CCDC187: variants seen among roughly 807,000 people sequenced by gnomAD.
CCDC187 encodes the protein coiled-coil domain containing 187, also known as coiled-coil domain-containing protein 187.
CCDC187 carries 32 observed loss-of-function variants against 38.0 expected under a neutral mutation model. The ratio of observed to expected loss-of-function variants is 0.84; its 90% CI spans 0.64 to 1.13. The LOEUF (loss-of-function observed/expected upper bound fraction) is 1.13. CCDC187 is among the 50% of genes most tolerant of loss of function. CCDC187 has a pLI of 0.00. For synonymous variants in CCDC187, 333 were observed against 347.9 expected (o/e 0.96, Z 0.48); for missense variants, 707 against 786.8 (o/e 0.90, Z 1.21).
upstream of CCDC187, among the ~76,000 whole-genome samples, chr9:136,304,944 A>G (rs1184512106): frequency 1.3e-5 from 2 of 152,154 alleles, no homozygotes; most frequent in Non-Finnish European, 2.9e-5. Context: ...GGCTCACGCT[A>G]TAGAACCTGT....
intron 1 of CCDC187, 104 bp from the exon 2 acceptor site, chr9:136,303,397 A>G (rs1831738245): frequency 5.3e-6 from 2 of 380,300 alleles, no homozygotes; most frequent in Middle Eastern, 6.6e-4. Flanking sequence ...TGCTCCACAG[A>G]CTGGAGGTGG....
chr9:136,290,436 C>T (rs1014579665), intron 6 of CCDC187, 50 bp downstream of exon 6: 10 of 398,552 alleles, frequency 2.5e-5, no homozygotes, highest in Non-Finnish European at 3.5e-5. Flanking sequence ...GCGCCTAAGC[C>T]TCTGGCCCAT....
chr9:136,263,305 C>A (rs1432484580), intron 18 of CCDC187, among the ~76,000 whole-genome samples: 1 of 148,250 alleles, frequency 6.7e-6, no homozygotes, highest in Non-Finnish European at 1.5e-5. Context: ...CATATCTCGG[C>A]TCACTGCAGA....
chr9:136,303,334 G>A (rs1002460802), intron 1 of CCDC187, 41 bp from the exon 2 acceptor site: 114 of 396,234 alleles, frequency 2.9e-4, no homozygotes, highest in African/African-American at 1.6e-3. Flanking sequence ...ACATGCAGGC[G>A]CAGAGGTGCC....
chr9:136,281,809 G>A (rs1205584854), intron 9 of CCDC187, 146 bp from the exon 10 acceptor site: 2 of 397,374 alleles, frequency 5.0e-6, no homozygotes, highest in African/African-American at 4.1e-5. Flanking sequence ...GTGTGCCCAG[G>A]GTGGGACCCA....
At chr9:136,270,701 CA>C (rs1254511154) in intron 14 of CCDC187, among the ~76,000 whole-genome samples, 5 of 152,136 alleles carry the variant, frequency 3.3e-5, no homozygotes, top group Non-Finnish European at 5.9e-5. Context: ...CTGACTCCTC[CA>C]AGGAAAGGAG....
intron 10 of CCDC187, 144 bp downstream of exon 10, chr9:136,281,407 G>A (rs976853461): frequency 1.3e-3 from 503 of 398,518 alleles, no homozygotes; most frequent in African/African-American, 8.4e-3. Context: ...CTTTAATAAC[G>A]AGGCGTGGAT....
intron 4 of CCDC187, among the ~76,000 whole-genome samples, 158 bp downstream of exon 4, chr9:136,297,556 G>C (rs908215760): frequency 2.0e-5 from 3 of 152,056 alleles, no homozygotes; most frequent in African/African-American, 7.2e-5. Flanking sequence ...CGCTCCAGCC[G>C]GGCCTGCCGA....
intron 4 of CCDC187, among the ~76,000 whole-genome samples, chr9:136,297,469 C>T (rs1393906931): frequency 2.0e-5 from 3 of 152,142 alleles, no homozygotes; most frequent in South Asian, 4.1e-4. Context: ...TCAAGGGACA[C>T]GCCCCTGCCC....
At chr9:136,262,485 G>A in intron 18 of CCDC187, 23 bp from the exon 19 acceptor site, 1 of 986,138 alleles carries the variant, frequency 1.0e-6, no homozygotes, top group African/African-American at 1.7e-5. Flanking sequence ...GTGCAGGAGA[G>A]CCTGGCAAGG....
chr9:136,293,355 ACACATT>A (rs1298741006), intron 4 of CCDC187, among the ~76,000 whole-genome samples: 8 of 138,114 alleles, frequency 5.8e-5, no homozygotes, highest in South Asian at 4.8e-4. Flanking sequence ...ACATGCTCAC[ACACATT>A]CACATGCTCA....
chr9:136,254,096 T>C lies in CCDC187; in HGVS notation c.5732A>G (p.Tyr1911Cys), dbSNP rs1170206159. 1 of 985,338 alleles carries C rather than the reference T, an allele frequency of 1.0e-6. No individual in the cohort carries two copies. Among genetic ancestry groups the C allele is most frequent in the African/African-American group, 1.7e-5 (1 of 57,214 alleles). 61.0% of individuals were successfully genotyped at this position (985,338 alleles called of 1,614,324 possible). Residue 1911 changes from tyrosine to cysteine, a missense_variant, in exon 26 of 26, where the codon TAC becomes TGC. Tyr to Cys is a radical substitution (Grantham distance 194, BLOSUM62 -2). Transcript: ENST00000638797. ...DFGKGGETSGYQEGTRDADPS... is the reference protein window; with the variant it reads ...DFGKGGETSGCQEGTRDADPS... ...GTCAGCATCCCGGGTTCCCTCCTGG[T>C]AGCCAGAAGTCTCTCCTCCTTTGCC...
At chr9:136,293,351 TCA>T (rs1166082736) in intron 4 of CCDC187, among the ~76,000 whole-genome samples, 10 of 126,778 alleles carry the variant, frequency 7.9e-5, no homozygotes, top group South Asian at 5.2e-4. Flanking sequence ...ACTCACATGC[TCA>T]CACACATTCA....
At chr9:136,272,385 A>G (rs1226465409) in intron 14 of CCDC187, among the ~76,000 whole-genome samples, 1 of 152,186 alleles carries the variant, frequency 6.6e-6, no homozygotes, top group East Asian at 1.9e-4. Flanking sequence ...CCTGGGCAAC[A>G]TGGCAAAACC....
chr9:136,268,111 C>T lies in CCDC187; in HGVS notation c.3457G>A (p.Asp1153Asn), dbSNP rs1830780890. 1.0e-6 allele frequency: 1 copy of T among 985,526 alleles called. No homozygotes were observed. The highest frequency in any genetic ancestry group is 1.2e-6 in the Non-Finnish European group (1 of 829,972). 61.0% of individuals were successfully genotyped at this position (985,526 alleles called of 1,614,324 possible). A position where few individuals can be genotyped will look rare whatever the true frequency, so the allele number is the denominator to read the frequency against. Residue 1153 changes from aspartate to asparagine, a missense_variant, in exon 15 of 26, where the codon GAC (aspartate) becomes AAC (asparagine). Asp to Asn is a conservative substitution (Grantham distance 23). Coordinates refer to ENST00000638797, the MANE Select transcript of CCDC187 (RefSeq NM_001378188.1). ...AGGGGAAGCTGGGAGAGGGCTCCGTCAGGGCCCTCCACCTCTGAGGAAGGA... is the reference window on the plus strand; with the variant it reads ...AGGGGAAGCTGGGAGAGGGCTCCGTTAGGGCCCTCCACCTCTGAGGAAGGA... ...KPASAEVEGPDGALSQLPLAK... is the reference protein window; with the variant it reads ...KPASAEVEGPNGALSQLPLAK...
intron 9 of CCDC187, among the ~76,000 whole-genome samples, chr9:136,284,434 C>T (rs951272207): frequency 1.6e-4 from 25 of 152,328 alleles, no homozygotes; most frequent in Admixed American, 1.4e-3. Context: ...CTGCTTGCCC[C>T]GCCCGTGGTG....
chr9:136,293,325 A>C (rs1232360002), intron 4 of CCDC187, among the ~76,000 whole-genome samples: 2 of 148,260 alleles, frequency 1.3e-5, no homozygotes, highest in Non-Finnish European at 3.0e-5. Flanking sequence ...TCACACTCAC[A>C]TGCTTACACA....
At position 136,252,530 on chromosome 9, in the gene CCDC187, G is replaced by A. The variant is rs372481414; in HGVS notation, c.*1064C>T. ...ATCCTGCACAGCCGGCCGCCCACCC[G>A]GTCCACCGGGGAAAGGTCCAGGAGA... On this transcript the variant is annotated 3_prime_UTR_variant, in exon 26 of 26. Coordinates refer to ENST00000638797, the MANE Select transcript of CCDC187 (RefSeq NM_001378188.1). 2.2e-4 allele frequency: 40 copies of A among 179,370 alleles called. No homozygotes were observed. The highest frequency in any genetic ancestry group is 6.4e-4 in the African/African-American group (25 of 38,974). The allele number at this position is 179,370 out of a possible 1,614,324, so 11.1% of individuals were successfully genotyped here.
chr9:136,277,710 C>T (rs1001959353), intron 10 of CCDC187, among the ~76,000 whole-genome samples: 18,819 of 152,146 alleles, frequency 0.12, 1,370 homozygotes, highest in Admixed American at 0.2. Flanking sequence ...ACTCTGAATG[C>T]TGTTGGAGCT....
Sources: allele counts gnomAD v4.1 joint callset (sites outside exome capture counted in the v4.1 genomes callset), GRCh38; gene constraint gnomAD v4.1.1; transcripts MANE v1.5; gene names NCBI Gene and HGNC (gene_info 2026-07-23, HGNC 2026-07-21).